CEP126: variants seen among roughly 807,000 people sequenced by gnomAD.
CEP126 encodes centrosomal protein 126, also known as centrosomal protein of 126 kDa.
In CEP126, 74 loss-of-function variants were observed where a neutral mutation model predicts 107.8. The ratio of observed to expected loss-of-function variants is 0.69; its 90% CI spans 0.57 to 0.83. The LOEUF is 0.83. Ranked by LOEUF, CEP126 falls within the 40% of genes least tolerant of loss-of-function variation. CEP126 has a pLI of 0.00. For missense variants in CEP126, 1,237 were observed against 1,281.9 expected (o/e 0.96, Z 0.53); for synonymous variants, 449 against 446.0 (o/e 1.01, Z -0.08).
intron 1 of CEP126, among the ~76,000 whole-genome samples, chr11:101,915,810 A>G (rs974120952): frequency 1.3e-5 from 2 of 152,250 alleles, no homozygotes; most frequent in Non-Finnish European, 2.9e-5. Context: ...GCTATCCTAA[A>G]GAGTCCGTTT....
At chr11:101,979,354 G>C (rs1941229507) in intron 7 of CEP126, among the ~76,000 whole-genome samples, 1 of 152,096 alleles carries the variant, frequency 6.6e-6, no homozygotes, top group African/African-American at 2.4e-5. Context: ...AATACATAAA[G>C]AATATGCTCC....
chr11:101,968,194 G>A (rs1000061786), intron 6 of CEP126, among the ~76,000 whole-genome samples: 2 of 152,106 alleles, frequency 1.3e-5, no homozygotes, highest in Non-Finnish European at 2.9e-5. Flanking sequence ...CAATGATCTA[G>A]TAGGAAGAAA....
In CEP126 at chr11:102,000,271, A is replaced by C. The variant is rs1941492695; in HGVS notation, c.*2628A>C. The stretch of plus-strand genomic sequence containing the variant: ...AAAGAAAAATGCCCTTTCACACTGA[A>C]TCTTCAAGTTCTAAGGAAGAAAAGA... On this transcript the variant is annotated 3_prime_UTR_variant, in exon 11 of 11. Transcript: ENST00000263468. 1 of 152,216 alleles carries C rather than the reference A, an allele frequency of 6.6e-6. No homozygotes were observed. The highest frequency in any genetic ancestry group is 2.4e-5 in the African/African-American group (1 of 41,452). 9.4% of individuals were successfully genotyped at this position (152,216 alleles called of 1,614,324 possible). A position where few individuals can be genotyped will look rare whatever the true frequency, so the allele number is the denominator to read the frequency against.
rs1352398989 is a variant in CEP126 at position 101,962,499 on chromosome 11, G to A, written c.1464G>A (p.Val488=). 20 of 1,613,256 alleles carry A rather than the reference G, an allele frequency of 1.2e-5. No homozygotes were observed. The highest frequency in any genetic ancestry group is 1.5e-5 in the Non-Finnish European group (18 of 1,179,732). Residue 488 remains valine, a synonymous_variant, in exon 6 of 11, where the codon GTG becomes GTA. Coordinates refer to ENST00000263468, the MANE Select transcript of CEP126 (RefSeq NM_020802.4). ...NSIHIKEIDA[V]QCSDKLDELK... ...TACACATAAAAGAAATTGATGCAGT[G>A]CAGTGTTCTGATAAGTTAGATGAAT...
chr11:101,919,398 A>G (rs923033186), intron 1 of CEP126, among the ~76,000 whole-genome samples: 2 of 152,190 alleles, frequency 1.3e-5, no homozygotes, highest in African/African-American at 4.8e-5. Context: ...AGAATAAGCT[A>G]TGCTTTAAAA....
chr11:101,958,408 C>A, intron 5 of CEP126, 42 bp downstream of exon 5: 1 of 1,555,202 alleles, frequency 6.4e-7, no homozygotes, highest in Non-Finnish European at 8.8e-7. Context: ...TAATTCCTTG[C>A]ACTAATTTTG....
At chr11:101,917,520 G>A (rs1940241957) in intron 1 of CEP126, among the ~76,000 whole-genome samples, 1 of 150,756 alleles carries the variant, frequency 6.6e-6, no homozygotes, top group Non-Finnish European at 1.5e-5. Context: ...AAAACCTTAT[G>A]AAGTTTATTT....
rs998366339 is a variant in CEP126 at position 101,999,034 on chromosome 11, A to T, written c.*1391A>T. The T allele has an allele frequency of 6.6e-6, 1 of 152,202 alleles. No homozygotes were observed. Among genetic ancestry groups the T allele is most frequent in the Admixed American group, 6.5e-5 (1 of 15,274 alleles). 9.4% of individuals were successfully genotyped at this position (152,202 alleles called of 1,614,324 possible). The stretch of plus-strand genomic sequence containing the variant: ...AGAAATTAGTGAAAAAATTGACCTA[A>T]TGAAGGAAACATTTGTGCTTTCCTA... On this transcript the variant is annotated 3_prime_UTR_variant, in exon 11 of 11. Transcript: ENST00000263468.
At chr11:101,916,742 A>G in intron 1 of CEP126, among the ~76,000 whole-genome samples, 1 of 152,078 alleles carries the variant, frequency 6.6e-6, no homozygotes, top group East Asian at 1.9e-4. Flanking sequence ...TTGAGAGTGT[A>G]TTTTCTGTTA....
intron 9 of CEP126, among the ~76,000 whole-genome samples, chr11:101,987,502 T>C (rs1276819337): frequency 6.6e-6 from 1 of 151,824 alleles, no homozygotes; most frequent in East Asian, 1.9e-4. Context: ...TGGGGTGAAA[T>C]TGAACTTTGC....
Position 101,960,771 on chromosome 11 carries a change from T to A in CEP126, c.706-970T>A, listed in dbSNP as rs114271785. ...CCATAGTATGTAAATTTTTAAAATT[T>A]ACATATTTTAGATAAATCTAAAATG... On this transcript the variant is annotated intron_variant, in intron 5 of 10. Coordinates refer to ENST00000263468, the MANE Select transcript of CEP126 (RefSeq NM_020802.4). Among the ~76,000 whole-genome samples, 1,261 of 152,188 alleles carry A rather than the reference T, an allele frequency of 8.3e-3. 10 individuals are homozygous for A. Among genetic ancestry groups the A allele is most frequent in the African/African-American group, 0.028 (1,179 of 41,578 alleles).
intron 1 of CEP126, among the ~76,000 whole-genome samples, chr11:101,917,063 TGTGTGTGTG>T (rs1565346612): frequency 6.6e-6 from 1 of 150,934 alleles, no homozygotes; most frequent in African/African-American, 2.5e-5. Flanking sequence ...TGTGTGTGTG[TGTGTGTGTG>T]TGTGCTGGTT....
intron 6 of CEP126, among the ~76,000 whole-genome samples, chr11:101,976,330 G>A (rs1378638870): frequency 6.6e-6 from 1 of 152,200 alleles, no homozygotes; most frequent in Non-Finnish European, 1.5e-5. Context: ...CTAATGATTA[G>A]TGATGTTGAG....
chr11:101,979,550 C>A (rs1941231130), intron 7 of CEP126, among the ~76,000 whole-genome samples: 1 of 152,080 alleles, frequency 6.6e-6, no homozygotes, highest in Non-Finnish European at 1.5e-5. Context: ...GAGTTCAAGA[C>A]CAGCATGGGC....
At position 101,948,014 on chromosome 11, in the gene CEP126, CT is replaced by C. The variant is rs770950689; in HGVS notation, c.395-14del. Reference sequence around the variant, plus strand: ...ATAAAGTGATTCTGTACTGTTCGGTCTTTATTATCTCTTTAGTTTCCCGAAA... The same window carrying C: ...ATAAAGTGATTCTGTACTGTTCGGTCTTATTATCTCTTTAGTTTCCCGAAA... On this transcript the variant is annotated splice_polypyrimidine_tract_variant and intron_variant, in intron 3 of 10. Transcript: ENST00000263468. The C allele has an allele frequency of 1.4e-5, 20 of 1,481,258 alleles. No homozygotes were observed. Among genetic ancestry groups the C allele is most frequent in the African/African-American group, 1.4e-5 (1 of 72,044 alleles). The allele number at this position is 1,481,258 out of a possible 1,614,324, so 91.8% of individuals were successfully genotyped here. A position where few individuals can be genotyped will look rare whatever the true frequency, so the allele number is the denominator to read the frequency against.
chr11:101,976,064 T>TA (rs1821261984), intron 6 of CEP126, among the ~76,000 whole-genome samples: 1 of 152,202 alleles, frequency 6.6e-6, no homozygotes, highest in Non-Finnish European at 1.5e-5. Flanking sequence ...GTCTTTATGG[T>TA]AAAACAATTT....
At chr11:101,964,436 C>T (rs1350567760) in intron 6 of CEP126, among the ~76,000 whole-genome samples, 1 of 151,742 alleles carries the variant, frequency 6.6e-6, no homozygotes, top group African/African-American at 2.4e-5. Flanking sequence ...AAGTTCGAGA[C>T]CAGCCTGGCC....
rs61916023 is a variant in CEP126 at position 101,956,795 on chromosome 11, C to T, written c.507-1373C>T. 8.9e-3 allele frequency: 3,946 copies of T among 443,744 alleles called. 36 individuals carry two copies. The highest frequency in any genetic ancestry group is 0.012 in the Non-Finnish European group (2,665 of 222,090). The allele number at this position is 443,744 out of a possible 1,614,324, so 27.5% of individuals were successfully genotyped here. A position where few individuals can be genotyped will look rare whatever the true frequency, so the allele number is the denominator to read the frequency against. Reference sequence around the variant, plus strand: ...TTCCTTTCCCCCTATTCTTCACTCTCCTTCTGTTTCTACCTCCCCATCTCC... The same window carrying T: ...TTCCTTTCCCCCTATTCTTCACTCTTCTTCTGTTTCTACCTCCCCATCTCC... On this transcript the variant is annotated intron_variant, in intron 4 of 10. Transcript: ENST00000263468.
rs527987338 is a variant in CEP126, at chr11:101,975,511, T to C, written c.2846-2836T>C. Among the ~76,000 whole-genome samples the C allele has an allele frequency of 5.2e-4, 79 of 152,356 alleles. No homozygotes were observed. In the Middle Eastern group the frequency reaches 0.027, roughly 52 times the overall value. ...TGGAGCTGAATCCCAGCTTTGCCCC[T>C]TACTGGCTCTGTGACCTTGGGCAAG... On this transcript the variant is annotated intron_variant, in intron 6 of 10. Coordinates refer to ENST00000263468, the MANE Select transcript of CEP126 (RefSeq NM_020802.4).
Sources: allele counts gnomAD v4.1 joint callset (sites outside exome capture counted in the v4.1 genomes callset), GRCh38; gene constraint gnomAD v4.1.1; transcripts MANE v1.5; gene names NCBI Gene and HGNC (gene_info 2026-07-23, HGNC 2026-07-21).